PDE1A: variants seen among roughly 807,000 people sequenced by gnomAD.
PDE1A encodes phosphodiesterase 1A.
PDE1A carries 35 observed loss-of-function variants against 61.7 expected under a neutral mutation model. The ratio of observed to expected loss-of-function variants is 0.57; its 90% CI spans 0.43 to 0.75. PDE1A has a LOEUF of 0.75. PDE1A is among the 30% of genes least tolerant of loss of function. PDE1A has a pLI of 0.00. For missense variants in PDE1A, 597 were observed against 630.6 expected, an observed-to-expected ratio of 0.95 and a Z score of 0.57; for synonymous variants, 232 against 213.2, an observed-to-expected ratio of 1.09 and a Z score of -0.77.
At chr2:182,221,337 T>A (rs1179621427) in intron 7 of PDE1A, among the ~76,000 whole-genome samples, 1 of 152,110 alleles carries the variant, frequency 6.6e-6, no homozygotes, top group Non-Finnish European at 1.5e-5. Context: ...CTAGAACTGT[T>A]TTCCTGTACA....
At chr2:182,662,155 G>C in the PDE1A span, among the ~76,000 whole-genome samples, 1 of 151,368 alleles carries the variant, frequency 6.6e-6, no homozygotes, top group Non-Finnish European at 1.5e-5. Flanking sequence ...TAGATAAATA[G>C]AACAGAAGAA....
chr2:182,693,707 C>T, the PDE1A span, among the ~76,000 whole-genome samples: 853 of 147,650 alleles, frequency 5.8e-3, 14 homozygotes, highest in Middle Eastern at 0.025. Context: ...AGTGCAATGG[C>T]GCAAACTCGG....
At chr2:182,279,554 T>G (rs1364826230) in intron 1 of PDE1A, among the ~76,000 whole-genome samples, 6 of 152,054 alleles carry the variant, frequency 3.9e-5, no homozygotes, top group South Asian at 2.1e-4. Flanking sequence ...TTCAATGGTA[T>G]AGGGTCTACA....
At chr2:182,532,784 C>A in the PDE1A span, among the ~76,000 whole-genome samples, 1 of 150,818 alleles carries the variant, frequency 6.6e-6, no homozygotes, top group Non-Finnish European at 1.5e-5. Flanking sequence ...CCGTCTCTAC[C>A]AAAAATACAA....
chr2:182,546,308 G>A, the PDE1A span, among the ~76,000 whole-genome samples: 1 of 152,090 alleles, frequency 6.6e-6, no homozygotes, highest in Non-Finnish European at 1.5e-5. Context: ...GGAGAAGGTA[G>A]CAAAGTTAAA....
At chr2:182,711,703 A>G in the PDE1A span, among the ~76,000 whole-genome samples, 17 of 152,234 alleles carry the variant, frequency 1.1e-4, no homozygotes, top group Admixed American at 1.3e-4. Context: ...GTGCACTAAA[A>G]TAAGCATACC....
intron 1 of PDE1A, among the ~76,000 whole-genome samples, chr2:182,395,452 T>G (rs1421289292): frequency 6.6e-6 from 1 of 152,152 alleles, no homozygotes; most frequent in East Asian, 1.9e-4. Flanking sequence ...TCAGGGACCT[T>G]CTACCTCAGG....
intron 1 of PDE1A, among the ~76,000 whole-genome samples, chr2:182,266,445 C>A (rs1692639121): frequency 1.3e-5 from 2 of 152,138 alleles, no homozygotes. Context: ...CATAGTCCTG[C>A]AATGGCTTAG....
At chr2:182,408,621 A>G (rs1389972803) in intron 1 of PDE1A, among the ~76,000 whole-genome samples, 1 of 152,154 alleles carries the variant, frequency 6.6e-6, no homozygotes, top group South Asian at 2.1e-4. Context: ...TCCCTAAAAG[A>G]TCGTGTTAAA....
the PDE1A span, among the ~76,000 whole-genome samples, chr2:182,697,228 C>A: frequency 1.3e-5 from 2 of 152,266 alleles, no homozygotes; most frequent in African/African-American, 4.8e-5. Flanking sequence ...CACTCAACGG[C>A]ACAATGGAAG....
chr2:182,347,137 T>C (rs377568238), intron 1 of PDE1A, among the ~76,000 whole-genome samples: 12 of 143,526 alleles, frequency 8.4e-5, no homozygotes, highest in Admixed American at 2.1e-4. Context: ...GTTTTTTTTT[T>C]CCCTCTGGCC....
chr2:182,356,393 A>G (rs1391588174), intron 1 of PDE1A, among the ~76,000 whole-genome samples: 4 of 152,202 alleles, frequency 2.6e-5, no homozygotes, highest in African/African-American at 9.7e-5. Flanking sequence ...ATCGTATATT[A>G]AGAATTTTTA....
At chr2:182,436,596 T>A (rs985623394) in intron 2 of PDE1A, among the ~76,000 whole-genome samples, 1 of 152,002 alleles carries the variant, frequency 6.6e-6, no homozygotes, top group Non-Finnish European at 1.5e-5. Flanking sequence ...TTTTCCCTCA[T>A]CTGCTCTTTA....
chr2:182,192,794 C>G (rs1313000680), intron 10 of PDE1A, among the ~76,000 whole-genome samples: 16 of 152,030 alleles, frequency 1.1e-4, no homozygotes, highest in Non-Finnish European at 1.0e-4. Context: ...CCCTGGAGAT[C>G]CTTCAGGTTT....
the PDE1A span, among the ~76,000 whole-genome samples, chr2:182,668,650 T>A: frequency 6.6e-6 from 1 of 152,020 alleles, no homozygotes; most frequent in Non-Finnish European, 1.5e-5. Flanking sequence ...ATGGCTTTAT[T>A]CTCTCTCTGG....
At chr2:182,652,251 GT>G in the PDE1A span, among the ~76,000 whole-genome samples, 1 of 152,134 alleles carries the variant, frequency 6.6e-6, no homozygotes, top group South Asian at 2.1e-4. Context: ...GACTATAAGT[GT>G]TTTAAATATT....
At chr2:182,713,496 T>C in the PDE1A span, among the ~76,000 whole-genome samples, 2 of 152,194 alleles carry the variant, frequency 1.3e-5, no homozygotes. Flanking sequence ...TTAGGTGTGG[T>C]GGCATGTGCC....
chr2:182,229,088 C>T (rs1380078496), intron 6 of PDE1A, among the ~76,000 whole-genome samples: 1 of 151,962 alleles, frequency 6.6e-6, no homozygotes, highest in East Asian at 1.9e-4. Context: ...CTCTATTTAC[C>T]AATTAATATG....
chr2:182,515,540 T>G (rs547005502), intron 2 of PDE1A, among the ~76,000 whole-genome samples: 6 of 152,318 alleles, frequency 3.9e-5, no homozygotes, highest in African/African-American at 1.4e-4. Context: ...TAATGTTAGT[T>G]CTATAAACTA....
Sources: allele counts gnomAD v4.1 joint callset (sites outside exome capture counted in the v4.1 genomes callset), GRCh38; gene constraint gnomAD v4.1.1; transcripts MANE v1.5; gene names NCBI Gene and HGNC (gene_info 2026-07-23, HGNC 2026-07-21).